SCG3: variants seen among roughly 807,000 people sequenced by gnomAD.
The protein encoded by SCG3 is secretogranin III.
In SCG3, 38 loss-of-function variants were observed where a neutral mutation model predicts 56.2. That is an observed-to-expected ratio of 0.68 (90% confidence interval 0.52 to 0.89). SCG3 has a LOEUF of 0.89. Among genes scored for constraint, SCG3 ranks in the 40% least tolerant of loss-of-function variants. The pLI is 0.00. For synonymous variants in SCG3, 176 were observed against 184.2 expected (o/e 0.96, Z 0.36); for missense variants, 524 against 540.7 (o/e 0.97, Z 0.31).
chr15:51,682,790 A>G (rs577825066), intron 2 of SCG3, among the ~76,000 whole-genome samples: 4 of 152,308 alleles, frequency 2.6e-5, no homozygotes, highest in Admixed American at 2.0e-4. Flanking sequence ...GAGTAACTAT[A>G]TAATAACCCA....
intron 11 of SCG3, among the ~76,000 whole-genome samples, chr15:51,715,408 G>A (rs1446467152): frequency 6.6e-6 from 1 of 152,108 alleles, no homozygotes; most frequent in Non-Finnish European, 1.5e-5. Context: ...TATAAGCAGG[G>A]AGAATTACTA....
chr15:51,697,804 T>C (rs1053259438), intron 8 of SCG3, among the ~76,000 whole-genome samples: 1 of 152,254 alleles, frequency 6.6e-6, no homozygotes, highest in African/African-American at 2.4e-5. Context: ...TATATGTACA[T>C]GTTTATATAC....
intron 10 of SCG3, among the ~76,000 whole-genome samples, chr15:51,705,585 G>A (rs1567221228): frequency 6.6e-6 from 1 of 151,342 alleles, no homozygotes; most frequent in Non-Finnish European, 1.5e-5. Flanking sequence ...GCAATGGTGT[G>A]ATATCTGCTC....
rs1376054123 is a variant in SCG3 at position 51,683,127 on chromosome 15, A to G, written c.181+3A>G. 3.1e-6 allele frequency: 5 copies of G among 1,607,728 alleles called. No homozygotes were observed. The highest frequency in any genetic ancestry group is 4.3e-6 in the Non-Finnish European group (5 of 1,176,440). On this transcript the variant is annotated splice_donor_region_variant and intron_variant, in intron 3 of 11. Transcript: ENST00000220478. ...GATTAAAAAAACATATCCTCCAGGT[A>G]AAAAGAAATCATATTGATGTTAATT...
In SCG3 at chr15:51,701,206, A is replaced by G. The variant is rs2055337437; in HGVS notation, c.1169A>G (p.Asp390Gly). The change falls in exon 10 of 12, where the codon GAT becomes GGT. Residue 390 changes from aspartate (D) to glycine (G), a missense_variant. Asp to Gly is a moderately conservative substitution (Grantham distance 94, BLOSUM62 -1). Transcript: ENST00000220478. Reference sequence around the variant, plus strand: ...AGCTTGAAGGATTCCACAAAAGATGATAACTCCAACCCAGGAGGAAAGACA... The same window carrying G: ...AGCTTGAAGGATTCCACAAAAGATGGTAACTCCAACCCAGGAGGAAAGACA... ...YGSLKDSTKD[D>G]NSNPGGKTDE... is the part of the protein sequence containing the mutation. 3.1e-6 allele frequency: 5 copies of G among 1,611,776 alleles called. No homozygotes were observed. The highest frequency in any genetic ancestry group is 1.7e-4 in the Middle Eastern group (1 of 6,052).
chr15:51,707,764 T>G (rs2055385394), intron 10 of SCG3, among the ~76,000 whole-genome samples: 1 of 152,262 alleles, frequency 6.6e-6, no homozygotes, highest in Non-Finnish European at 1.5e-5. Context: ...ATCTTGAATC[T>G]CACAGCTCCG....
Position 51,703,254 on chromosome 15 carries a change from C to T in SCG3, c.1207+2010C>T, listed in dbSNP as rs1246546738. Among the ~76,000 whole-genome samples the T allele has an allele frequency of 2.6e-5, 4 of 152,180 alleles. No homozygotes were observed. The East Asian group carries it at 7.7e-4, about 29-fold the overall frequency. On this transcript the variant is annotated intron_variant, in intron 10 of 11. Coordinates refer to ENST00000220478, the MANE Select transcript of SCG3 (RefSeq NM_013243.4). ...GGTTCCCCACCCAGTATCTCCTGCT[C>T]ACACAAATAGAAGCAGGTTCCTATT...
At chr15:51,708,827 C>T (rs1475602292) in intron 10 of SCG3, among the ~76,000 whole-genome samples, 1 of 151,836 alleles carries the variant, frequency 6.6e-6, no homozygotes, top group East Asian at 1.9e-4. Context: ...CCACTGCACT[C>T]CAGCCTGGGT....
At chr15:51,709,266 G>A (rs1324471057) in intron 10 of SCG3, among the ~76,000 whole-genome samples, 2 of 152,026 alleles carry the variant, frequency 1.3e-5, no homozygotes, top group African/African-American at 2.4e-5. Flanking sequence ...GCAGCATGGG[G>A]GTAACCGCCC....
At chr15:51,704,262 T>C (rs193181821) in intron 10 of SCG3, among the ~76,000 whole-genome samples, 67 of 135,008 alleles carry the variant, frequency 5.0e-4, no homozygotes, top group Non-Finnish European at 8.5e-4. Flanking sequence ...TATATATATA[T>C]ATATATATAT....
intron 5 of SCG3, 141 bp from the exon 6 acceptor site, chr15:51,689,078 C>T (rs562186191): frequency 8.5e-5 from 74 of 872,104 alleles, no homozygotes; most frequent in East Asian, 2.4e-5. Context: ...GTGGTGCAGG[C>T]GTAAGTGAGG....
chr15:51,710,943 G>GCA (rs1459598438), intron 10 of SCG3, among the ~76,000 whole-genome samples: 2 of 152,076 alleles, frequency 1.3e-5, no homozygotes, highest in African/African-American at 4.8e-5. Context: ...TCCAAGGCAT[G>GCA]CACTAAGAGA....
Position 51,702,691 on chromosome 15 carries a change from C to T in SCG3, c.1207+1447C>T, listed in dbSNP as rs546418817. On this transcript the variant is annotated intron_variant, in intron 10 of 11. Coordinates refer to ENST00000220478, the MANE Select transcript of SCG3 (RefSeq NM_013243.4). Reference sequence around the variant, plus strand: ...AGTTGTACAGTTCAGTGGTTCAAGTCCCCTTATTACAAAGTTGTGCTAGTT... The same window carrying T: ...AGTTGTACAGTTCAGTGGTTCAAGTTCCCTTATTACAAAGTTGTGCTAGTT... Among the ~76,000 whole-genome samples, 3 of 152,258 alleles carry T rather than the reference C, an allele frequency of 2.0e-5. No homozygotes were observed. In the East Asian group the frequency reaches 5.8e-4, roughly 29 times the overall value.
intron 10 of SCG3, among the ~76,000 whole-genome samples, chr15:51,709,743 C>G (rs1163058275): frequency 4.4e-5 from 2 of 45,852 alleles, no homozygotes; most frequent in Non-Finnish European, 8.8e-5. Flanking sequence ...TTTTTTGAGA[C>G]AGAGTCTCGC....
chr15:51,691,071 A>G (rs964897001), intron 6 of SCG3, among the ~76,000 whole-genome samples: 2 of 152,214 alleles, frequency 1.3e-5, no homozygotes, highest in African/African-American at 4.8e-5. Context: ...GGCTCAGGAA[A>G]TGCTTCCCTA....
chr15:51,707,438 T>C (rs986329874), intron 10 of SCG3, among the ~76,000 whole-genome samples: 1 of 152,208 alleles, frequency 6.6e-6, no homozygotes, highest in Non-Finnish European at 1.5e-5. Context: ...GAGTCCAATA[T>C]TCTCCCCTGG....
chr15:51,688,453 T>C, intron 5 of SCG3, 51 bp downstream of exon 5: 2 of 1,563,036 alleles, frequency 1.3e-6, no homozygotes, highest in Non-Finnish European at 1.7e-6. Flanking sequence ...GTTTAGAGTA[T>C]GCCAAGAAGC....
In SCG3 at chr15:51,719,011, C is replaced by T. The variant is rs78484190; in HGVS notation, c.1289-397C>T. Among the ~76,000 whole-genome samples the T allele has an allele frequency of 4.9e-3, 751 of 152,262 alleles. 26 individuals are homozygous for T. The East Asian group carries it at 0.082, about 17-fold the overall frequency. ...TCCTAGACCAACAGCATCAGTATCACCTGACAGCCGTTTAAAATGCATAAC... is the reference window on the plus strand; with the variant it reads ...TCCTAGACCAACAGCATCAGTATCATCTGACAGCCGTTTAAAATGCATAAC... On this transcript the variant is annotated intron_variant, in intron 11 of 11. Transcript: ENST00000220478.
intron 11 of SCG3, among the ~76,000 whole-genome samples, chr15:51,716,494 C>T (rs1297330710): frequency 6.6e-6 from 1 of 152,178 alleles, no homozygotes; most frequent in African/African-American, 2.4e-5. Context: ...ATGGAATGGT[C>T]AATCAATGAC....
Sources: gnomAD v4.1 joint callset for allele counts (sites outside exome capture counted in the v4.1 genomes callset) on GRCh38, gnomAD v4.1.1 for gene constraint, MANE v1.5 for transcripts, NCBI Gene and HGNC (gene_info 2026-07-23, HGNC 2026-07-21) for gene names.